GALNS: variants seen among roughly 807,000 people sequenced by gnomAD.
GALNS encodes the protein galactosamine (N-acetyl)-6-sulfatase.
Under a neutral mutation model 65.9 loss-of-function variants are expected in GALNS, and 65 were observed. The ratio of observed to expected loss-of-function variants is 0.99; its 90% CI spans 0.81 to 1.21. The LOEUF (loss-of-function observed/expected upper bound fraction) is 1.21. Ranked by LOEUF, GALNS falls within the 50% of genes most tolerant of loss-of-function variation. The probability of loss-of-function intolerance (pLI) is 0.00; values close to 1 mark genes in which losing one functional copy is unlikely to be tolerated. For synonymous variants in GALNS, 346 were observed against 288.9 expected (o/e 1.20, Z -2.00); for missense variants, 776 against 700.7 (o/e 1.11, Z -1.21).
intron 4 of GALNS, chr16:88,840,686 A>T (rs918433255): frequency 1.4e-5 from 6 of 440,980 alleles, no homozygotes; most frequent in African/African-American, 1.2e-4. Flanking sequence ...GGCAGGAGGC[A>T]GCCGGGGGGC....
At chr16:88,833,527 C>T (rs561300476) in intron 8 of GALNS, among the ~76,000 whole-genome samples, 2 of 151,400 alleles carry the variant, frequency 1.3e-5, no homozygotes, top group East Asian at 3.9e-4. Context: ...TCTCGGCTCA[C>T]TGCAAGCTCC....
chr16:88,817,536 G>A (rs1909756215), intron 13 of GALNS: 2 of 985,120 alleles, frequency 2.0e-6, no homozygotes, highest in African/African-American at 1.7e-5. Context: ...GTGCCCACCA[G>A]CCCACCCGGG....
At chr16:88,849,780 G>A (rs1242088305) in intron 1 of GALNS, among the ~76,000 whole-genome samples, 2 of 152,220 alleles carry the variant, frequency 1.3e-5, no homozygotes, top group Non-Finnish European at 2.9e-5. Flanking sequence ...AATGGAGGCT[G>A]GAATGAAAGG....
rs773846201 is a variant in GALNS at position 88,826,716 on chromosome 16, G to A, written c.1125C>T (p.Gly375=). The change falls in exon 10 of 14, where the codon GGC becomes GGT. Residue 375 remains glycine (G), a synonymous_variant. Coordinates refer to ENST00000268695, the MANE Select transcript of GALNS (RefSeq NM_000512.5). ...CTAGCACCAACCTGTCCATCAGCCGGCCCTGCAGGAGGGTGGGGAGGAGGT... is the reference window on the plus strand; with the variant it reads ...CTAGCACCAACCTGTCCATCAGCCGACCCTGCAGGAGGGTGGGGAGGAGGT... ...GLNLLPTLLQ[G]RLMDRPIFYY... is the part of the protein sequence containing the mutation. 1.9e-6 allele frequency: 3 copies of A among 1,612,510 alleles called. No homozygotes were observed. Among genetic ancestry groups the A allele is most frequent in the African/African-American group, 1.3e-5 (1 of 74,926 alleles).
In GALNS at chr16:88,841,247, G is replaced by C. The variant is rs927360196; in HGVS notation, c.320-153C>G. ...TGTGCCTGGGGGCTGCGCGTCCACAGGGCATGGCACTTCCCAAGATTTTTC... is the reference window on the plus strand; with the variant it reads ...TGTGCCTGGGGGCTGCGCGTCCACACGGCATGGCACTTCCCAAGATTTTTC... On this transcript the variant is annotated intron_variant, in intron 3 of 13. Transcript: ENST00000268695. Among the ~76,000 whole-genome samples the C allele has an allele frequency of 7.2e-5, 11 of 152,272 alleles. 1 individual carries two copies. The highest frequency in any genetic ancestry group is 2.4e-4 in the African/African-American group (10 of 41,544).
rs746756997 is a variant in GALNS at position 88,832,047 on chromosome 16, A to G, written c.953T>C (p.Met318Thr). 2.5e-6 allele frequency: 4 copies of G among 1,613,872 alleles called. No individual in the cohort carries two copies. The highest frequency in any genetic ancestry group is 3.4e-6 in the Non-Finnish European group (4 of 1,179,926). ...CGKQTTFEGGMREPALAWWPG... is the reference protein window; with the variant it reads ...CGKQTTFEGGTREPALAWWPG... ...CCACCATGCGAGGGCAGGCTCCCTC[A>G]TCCCTCCTTCAAACGTGGTCTGCTT... Residue 318 changes from methionine (M) to threonine (T), a missense_variant, in exon 9 of 14, where the codon ATG becomes ACG. By Grantham distance (81) the Met-to-Thr change is moderately conservative (BLOSUM62 -1). Transcript: ENST00000268695.
At chr16:88,822,097 C>T (rs1910287113) in intron 12 of GALNS, among the ~76,000 whole-genome samples, 2 of 152,198 alleles carry the variant, frequency 1.3e-5, no homozygotes, top group South Asian at 2.1e-4. Flanking sequence ...CGACCATGAC[C>T]CTCAAGACTC....
In GALNS at chr16:88,821,327, G is replaced by C. The variant is rs559623479; in HGVS notation, c.1364+1262C>G. Among the ~76,000 whole-genome samples, 203 of 152,244 alleles carry C rather than the reference G, an allele frequency of 1.3e-3. 1 individual carries two copies. The highest frequency in any genetic ancestry group is 4.6e-3 in the African/African-American group (193 of 41,552). ...CGTCTCGTCCCGTGGCCTTCACCATGTCTGTGTCTCCTCCCTCTGGACTCA... is the reference window on the plus strand; with the variant it reads ...CGTCTCGTCCCGTGGCCTTCACCATCTCTGTGTCTCCTCCCTCTGGACTCA... On this transcript the variant is annotated intron_variant, in intron 12 of 13. Coordinates refer to ENST00000268695, the MANE Select transcript of GALNS (RefSeq NM_000512.5).
chr16:88,856,362 G>A, intron 1 of GALNS: 1 of 701,834 alleles, frequency 1.4e-6, no homozygotes, highest in South Asian at 1.5e-5. Context: ...CTTTGGGGAG[G>A]CCACGCTGCG....
intron 8 of GALNS, among the ~76,000 whole-genome samples, chr16:88,833,466 T>G (rs1311420101): frequency 6.6e-6 from 1 of 151,482 alleles, no homozygotes; most frequent in East Asian, 1.9e-4. Context: ...TTTTTTTTTT[T>G]TTTGACATGG....
At chr16:88,854,349 A>C (rs533638) in intron 1 of GALNS, among the ~76,000 whole-genome samples, 3,553 of 152,020 alleles carry the variant, frequency 0.023, 142 homozygotes, top group African/African-American at 0.082. Context: ...GCCTGTGAGG[A>C]CCCCCTTGCA....
At chr16:88,817,616 C>A (rs1909763727) in intron 13 of GALNS, among the ~76,000 whole-genome samples, 1 of 152,178 alleles carries the variant, frequency 6.6e-6, no homozygotes, top group East Asian at 1.9e-4. Flanking sequence ...ATCACAGGGC[C>A]CCTGCAAGGA....
chr16:88,846,093 T>C (rs1737191655), intron 1 of GALNS, among the ~76,000 whole-genome samples: 1 of 152,182 alleles, frequency 6.6e-6, no homozygotes, highest in African/African-American at 2.4e-5. Context: ...CAATTTAAAA[T>C]TGTGGTTGAG....
chr16:88,833,358 A>G (rs979395119), intron 8 of GALNS, among the ~76,000 whole-genome samples: 1 of 151,898 alleles, frequency 6.6e-6, no homozygotes, highest in Non-Finnish European at 1.5e-5. Context: ...AGCTGGGGAC[A>G]CTGGCCACTT....
chr16:88,838,226 A>G (rs1189665772), intron 4 of GALNS, among the ~76,000 whole-genome samples: 1 of 152,054 alleles, frequency 6.6e-6, no homozygotes, highest in East Asian at 1.9e-4. Context: ...GGGTCTCTCC[A>G]CACCGAGGCG....
chr16:88,834,830 C>T (rs1338417388), intron 8 of GALNS, among the ~76,000 whole-genome samples: 1 of 152,196 alleles, frequency 6.6e-6, no homozygotes, highest in Non-Finnish European at 1.5e-5. Flanking sequence ...AGGCCACACT[C>T]ACAGGGCTGC....
chr16:88,833,392 G>A (rs1431020095), intron 8 of GALNS, among the ~76,000 whole-genome samples: 2 of 151,752 alleles, frequency 1.3e-5, no homozygotes, highest in East Asian at 3.9e-4. Context: ...AGGCTCACAG[G>A]AGGCCATGCT....
intron 4 of GALNS, among the ~76,000 whole-genome samples, chr16:88,838,294 C>T (rs1251036888): frequency 1.3e-5 from 2 of 152,150 alleles, no homozygotes; most frequent in South Asian, 2.1e-4. Flanking sequence ...CTGGGCGGGG[C>T]GTTGTGTGCC....
intron 1 of GALNS, chr16:88,856,399 C>CGG: frequency 1.4e-6 from 1 of 701,566 alleles, no homozygotes; most frequent in Non-Finnish European, 2.6e-6. Flanking sequence ...GAGTAGAGGG[C>CGG]GGGAAAGGTC....
Sources: gnomAD v4.1 joint callset for allele counts (sites outside exome capture counted in the v4.1 genomes callset) on GRCh38, gnomAD v4.1.1 for gene constraint, MANE v1.5 for transcripts, NCBI Gene and HGNC (gene_info 2026-07-23, HGNC 2026-07-21) for gene names.